Variants in SLC22A24 observed in about 807,000 individuals in gnomAD.
SLC22A24 encodes the protein steroid transmembrane transporter SLC22A24.
In SLC22A24, 53 loss-of-function variants were observed where a neutral mutation model predicts 49.8. The ratio of observed to expected loss-of-function variants is 1.06; its 90% confidence interval spans 0.85 to 1.34. The LOEUF is 1.34. Among genes scored for constraint, SLC22A24 ranks in the 40% most tolerant of loss-of-function variants. The pLI is 0.00. For synonymous variants in SLC22A24, 302 were observed against 256.4 expected (o/e 1.18, Z -1.70); for missense variants, 786 against 675.9 (o/e 1.16, Z -1.81).
At chr11:63,120,639 C>T (rs1432341379) in intron 2 of SLC22A24, among the ~76,000 whole-genome samples, 1 of 151,718 alleles carries the variant, frequency 6.6e-6, no homozygotes, top group Admixed American at 6.6e-5. Context: ...GGGCAGGCAC[C>T]CTTTCTAGAG....
At chr11:63,104,413 G>A in intron 4 of SLC22A24, 115 bp from the exon 5 acceptor site, 1 of 1,218,138 alleles carries the variant, frequency 8.2e-7, no homozygotes, top group Non-Finnish European at 1.1e-6. Context: ...TTATAGTAGA[G>A]TCATTTCTGA....
intron 1 of SLC22A24, among the ~76,000 whole-genome samples, chr11:63,138,695 T>C (rs1231352037): frequency 6.9e-6 from 1 of 145,390 alleles, no homozygotes; most frequent in Non-Finnish European, 1.5e-5. Flanking sequence ...ACTCTCCTTC[T>C]GGGAAAAGCA....
chr11:63,112,793 C>T (rs1279494196), intron 4 of SLC22A24, among the ~76,000 whole-genome samples: 1 of 151,286 alleles, frequency 6.6e-6, no homozygotes, highest in Non-Finnish European at 1.5e-5. Flanking sequence ...GCAGGTGGAT[C>T]ACGAGGTCAG....
In SLC22A24 at chr11:63,143,723, A is replaced by G. The variant is rs775374323; in HGVS notation, c.57T>C (p.Cys19=). The change falls in exon 1 of 10, where the codon TGT becomes TGC. Residue 19 remains cysteine, a synonymous_variant. Coordinates refer to ENST00000612278, the MANE Select transcript of SLC22A24 (RefSeq NM_001136506.2). The part of the protein sequence containing the change: ...QVGGMGRFQI[C]LIAFFCITNI... ...TGGTGATGCAAAAGAAAGCTATCAG[A>G]CAAATCTGGAATCTCCCCATGCCAC... The G allele has an allele frequency of 2.0e-6, 3 of 1,516,630 alleles. No individual in the cohort carries two copies. The highest frequency in any genetic ancestry group is 2.6e-6 in the Non-Finnish European group (3 of 1,132,772). 93.9% of individuals were successfully genotyped at this position (1,516,630 alleles called of 1,614,324 possible).
chr11:63,130,327 C>A (rs535756877), intron 2 of SLC22A24, among the ~76,000 whole-genome samples: 28 of 151,420 alleles, frequency 1.8e-4, no homozygotes, highest in African/African-American at 6.8e-4. Flanking sequence ...GGATGAAGCC[C>A]ACTTGATTAT....
At chr11:63,134,397 A>T (rs577937045) in intron 2 of SLC22A24, among the ~76,000 whole-genome samples, 1 of 152,244 alleles carries the variant, frequency 6.6e-6, no homozygotes, top group East Asian at 1.9e-4. Context: ...TACTCTAAAA[A>T]TCCCTTCCTG....
At chr11:63,083,862 G>A (rs1240688028) in intron 6 of SLC22A24, among the ~76,000 whole-genome samples, 3 of 152,146 alleles carry the variant, frequency 2.0e-5, no homozygotes, top group Admixed American at 1.3e-4. Context: ...TGGAAATTAG[G>A]GGAATAGTTT....
In SLC22A24 at chr11:63,104,420, C is replaced by G. The variant is rs529111351; in HGVS notation, c.831-122G>C. The G allele has an allele frequency of 3.2e-5, 37 of 1,143,124 alleles. 1 individual carries two copies. In the South Asian group the frequency reaches 6.2e-4, roughly 19 times the overall value. 70.8% of individuals were successfully genotyped at this position (1,143,124 alleles called of 1,614,324 possible). A position where few individuals can be genotyped will look rare whatever the true frequency, so the allele number is the denominator to read the frequency against. On this transcript the variant is annotated intron_variant, in intron 4 of 9. Coordinates refer to ENST00000612278, the MANE Select transcript of SLC22A24 (RefSeq NM_001136506.2). ...ATTATAAATTATAGTAGAGTCATTTCTGACCAAATTGGCCTCCTCTGCTGG... is the reference window on the plus strand; with the variant it reads ...ATTATAAATTATAGTAGAGTCATTTGTGACCAAATTGGCCTCCTCTGCTGG...
intron 6 of SLC22A24, among the ~76,000 whole-genome samples, chr11:63,084,293 G>A (rs1217414612): frequency 6.6e-6 from 1 of 152,152 alleles, no homozygotes; most frequent in Non-Finnish European, 1.5e-5. Context: ...AGATAAAGGG[G>A]CTGGCAGGTA....
intron 3 of SLC22A24, 36 bp from the exon 4 acceptor site, chr11:63,119,116 C>G: frequency 6.5e-7 from 1 of 1,527,184 alleles, no homozygotes; most frequent in Non-Finnish European, 8.8e-7. Context: ...TAATTTTAGA[C>G]AAATGGTAAT....
At position 63,133,172 on chromosome 11, in the gene SLC22A24, G is replaced by A. The variant is rs1406063992; in HGVS notation, c.506+1493C>T. On this transcript the variant is annotated intron_variant, in intron 2 of 9. Transcript: ENST00000612278. ...GCAGGTTGCCAAGACTGTGGGAAAA[G>A]TGCAGTATTTGGTCAGGAGTGTACT... Among the ~76,000 whole-genome samples the A allele has an allele frequency of 2.6e-5, 4 of 152,166 alleles. No homozygotes were observed. The South Asian group carries it at 6.2e-4, about 24-fold the overall frequency.
At position 63,139,990 on chromosome 11, in the gene SLC22A24, G is replaced by T. The variant is rs117754142; in HGVS notation, c.402+3388C>A. Among the ~76,000 whole-genome samples the T allele has an allele frequency of 2.4e-3, 355 of 150,994 alleles. 1 individual carries two copies. The highest frequency in any genetic ancestry group is 0.014 in the Middle Eastern group (4 of 292). ...TAGAAAAATAAGAGCTTAATATTTT[G>T]TCAGAAAAATAGAAACTTTAATGAC... On this transcript the variant is annotated intron_variant, in intron 1 of 9. Transcript: ENST00000612278.
rs2087051666 is a variant in SLC22A24, at chr11:63,095,977, C to T, written c.1070+14G>A. 7 of 1,524,862 alleles carry T rather than the reference C, an allele frequency of 4.6e-6. No homozygotes were observed. Among genetic ancestry groups the T allele is most frequent in the Admixed American group, 4.0e-5 (2 of 50,378 alleles). The allele number at this position is 1,524,862 out of a possible 1,614,324, so 94.5% of individuals were successfully genotyped here. On this transcript the variant is annotated intron_variant, in intron 6 of 9. Coordinates refer to ENST00000612278, the MANE Select transcript of SLC22A24 (RefSeq NM_001136506.2). ...CCAATATTTTAAAGTGAATCATCAC[C>T]AAATGGAACTTACCTCACAAAGCAC...
At chr11:63,100,632 G>A (rs146102987) in intron 5 of SLC22A24, among the ~76,000 whole-genome samples, 147 of 152,166 alleles carry the variant, frequency 9.7e-4, no homozygotes, top group African/African-American at 3.2e-3. Context: ...TAAAACTGGA[G>A]GAATCATGTT....
At chr11:63,112,125 A>T (rs2087170002) in intron 4 of SLC22A24, among the ~76,000 whole-genome samples, 1 of 151,956 alleles carries the variant, frequency 6.6e-6, no homozygotes, top group Non-Finnish European at 1.5e-5. Flanking sequence ...GTCATTCAGG[A>T]GCAGGTTGTT....
intron 6 of SLC22A24, among the ~76,000 whole-genome samples, chr11:63,093,232 C>T (rs1308466373): frequency 2.0e-5 from 3 of 152,186 alleles, no homozygotes; most frequent in African/African-American, 7.2e-5. Context: ...CGCTTTTACA[C>T]TGTTTGTGGG....
intron 4 of SLC22A24, chr11:63,116,040 G>T: frequency 3.0e-6 from 1 of 335,928 alleles, no homozygotes; most frequent in Non-Finnish European, 5.6e-6. Flanking sequence ...CTTGAGGTGG[G>T]CAATGTAGGC....
intron 6 of SLC22A24, among the ~76,000 whole-genome samples, chr11:63,091,314 T>C (rs1313930954): frequency 6.6e-6 from 1 of 151,816 alleles, no homozygotes; most frequent in African/African-American, 2.4e-5. Context: ...ACAGCCGAAG[T>C]CTACCAGAGG....
chr11:63,132,561 A>G (rs2087344444), intron 2 of SLC22A24, among the ~76,000 whole-genome samples: 1 of 152,012 alleles, frequency 6.6e-6, no homozygotes, highest in East Asian at 1.9e-4. Flanking sequence ...GGTCTGTTGG[A>G]GTTTGCTGGA....
Sources: gnomAD v4.1 joint callset for allele counts (sites outside exome capture counted in the v4.1 genomes callset) on GRCh38, gnomAD v4.1.1 for gene constraint, MANE v1.5 for transcripts, NCBI Gene and HGNC (gene_info 2026-07-23, HGNC 2026-07-21) for gene names.